CD80: variants seen among roughly 807,000 people sequenced by gnomAD.
CD80 encodes CD80 molecule.
In CD80, 13 loss-of-function variants were observed where a neutral mutation model predicts 27.1. That is an observed-to-expected ratio of 0.48 (90% CI 0.31 to 0.76). CD80 has a LOEUF of 0.76. CD80 is among the 30% of genes least tolerant of loss of function. The pLI, the probability that CD80 is intolerant of heterozygous loss-of-function variation, is 0.04. For synonymous variants in CD80, 125 were observed against 125.5 expected, an observed-to-expected ratio of 1.00 and a Z score of 0.03; for missense variants, 277 against 347.9, an observed-to-expected ratio of 0.80 and a Z score of 1.62.
chr3:119,534,911 G>A (rs1460593822), intron 4 of CD80, among the ~76,000 whole-genome samples: 1 of 152,140 alleles, frequency 6.6e-6, no homozygotes, highest in Non-Finnish European at 1.5e-5. Context: ...ATCTGCTGTA[G>A]CCGGGCATGG....
chr3:119,533,155 G>A (rs1275598655), intron 4 of CD80, among the ~76,000 whole-genome samples: 1 of 152,204 alleles, frequency 6.6e-6, no homozygotes, highest in African/African-American at 2.4e-5. Flanking sequence ...GTGTGTGAGG[G>A]AAAGAGGGAG....
chr3:119,537,257 C>G lies in CD80; in HGVS notation c.580G>C (p.Glu194Gln). The G allele has an allele frequency of 6.2e-7, 1 of 1,614,122 alleles. No homozygotes were observed. The highest frequency in any genetic ancestry group is 8.5e-7 in the Non-Finnish European group (1 of 1,180,008). ...CTGCTAACAGCATAGAGCTCAGTTT[C>G]AGGATCTTGGGAAACTGTTGTGTTG... is the stretch of plus-strand genomic sequence containing the variant. ...AINTTVSQDPETELYAVSSKL... is the reference protein window; with the variant it reads ...AINTTVSQDPQTELYAVSSKL... The change falls in exon 4 of 7, where the codon GAA (glutamate) becomes CAA (glutamine). Residue 194 changes from glutamate to glutamine, a missense_variant. Physicochemically the swap from Glu to Gln is conservative, Grantham distance 29. Transcript: ENST00000264246.
intron 2 of CD80, among the ~76,000 whole-genome samples, chr3:119,549,867 G>C (rs2082221826): frequency 6.6e-6 from 1 of 152,196 alleles, no homozygotes; most frequent in Non-Finnish European, 1.5e-5. Context: ...AAGATCAAAT[G>C]ACAACCCAGA....
At chr3:119,529,701 T>TTTTTCC (rs2082098880) in intron 5 of CD80, 141 bp downstream of exon 5, 2 of 618,936 alleles carry the variant, frequency 3.2e-6, no homozygotes, top group African/African-American at 3.7e-5. Context: ...TTGAGACAAG[T>TTTTTCC]AAAGGAGATG....
At chr3:119,530,553 T>C (rs1419883805) in intron 4 of CD80, among the ~76,000 whole-genome samples, 1 of 152,000 alleles carries the variant, frequency 6.6e-6, no homozygotes, top group Non-Finnish European at 1.5e-5. Context: ...GCACTGAAGG[T>C]TATCAGCTGT....
Position 119,527,793 on chromosome 3 carries a change from C to T in CD80, c.845G>A (p.Arg282Lys). ...RERRRNERLR[R>K]ESVRPV Reference sequence around the variant, plus strand: ...CTGTTATACAGGGCGTACACTTTCCCTTCTCAATCTCTCATTCCTCCTTCT... The same window carrying T: ...CTGTTATACAGGGCGTACACTTTCCTTTCTCAATCTCTCATTCCTCCTTCT... Residue 282 changes from arginine (R) to lysine (K), a missense_variant, in exon 6 of 7, where the codon AGG (arginine) becomes AAG (lysine). Physicochemically the swap from Arg to Lys is conservative, Grantham distance 26 (BLOSUM62 2). Coordinates refer to ENST00000264246, the MANE Select transcript of CD80 (RefSeq NM_005191.4). 6.2e-7 allele frequency: 1 copy of T among 1,614,036 alleles called. No individual in the cohort carries two copies. The highest frequency in any genetic ancestry group is 8.5e-7 in the Non-Finnish European group (1 of 1,179,912).
chr3:119,544,959 G>A (rs561831559), intron 2 of CD80, 92 bp from the exon 3 acceptor site: 30 of 1,000,826 alleles, frequency 3.0e-5, no homozygotes, highest in Non-Finnish European at 4.2e-5. Flanking sequence ...ACAGAACTTA[G>A]GGTGTTGTGT....
Position 119,538,964 on chromosome 3 carries a change from C to T in CD80, c.419-1546G>A, listed in dbSNP as rs540064677. 2.6e-5 allele frequency among the ~76,000 whole-genome samples: 4 copies of T among 152,274 alleles called. No individual in the cohort carries two copies. In the South Asian group the frequency reaches 6.2e-4, roughly 24 times the overall value. On this transcript the variant is annotated intron_variant, in intron 3 of 6. Transcript: ENST00000264246. Reference sequence around the variant, plus strand: ...CAACACCCCATACCCCAAAAAAACACCCATGACCAGTATTTTTTAATTTGC... The same window carrying T: ...CAACACCCCATACCCCAAAAAAACATCCATGACCAGTATTTTTTAATTTGC...
chr3:119,529,736 A>G, intron 5 of CD80, 106 bp downstream of exon 5: 1 of 736,260 alleles, frequency 1.4e-6, no homozygotes, highest in Non-Finnish European at 2.4e-6. Flanking sequence ...GGCTTGCTGT[A>G]AACATGAGAA....
chr3:119,553,103 CTTTA>C (rs61318964), intron 2 of CD80, among the ~76,000 whole-genome samples: 60,335 of 133,276 alleles, frequency 0.45, 13,616 homozygotes, highest in Admixed American at 0.52. Context: ...GAATTGTACA[CTTTA>C]TTTATTTATT....
chr3:119,540,184 C>T (rs556755166), intron 3 of CD80, among the ~76,000 whole-genome samples: 2 of 152,264 alleles, frequency 1.3e-5, no homozygotes, highest in South Asian at 4.1e-4. Context: ...CTCCTGACCT[C>T]GTGATCCACC....
chr3:119,552,480 C>G (rs1487033746), intron 2 of CD80, among the ~76,000 whole-genome samples: 1 of 139,412 alleles, frequency 7.2e-6, no homozygotes. Context: ...TGCCACTGCA[C>G]TCCAGCTTGG....
Position 119,537,272 on chromosome 3 carries a change from C to T in CD80, c.565G>A (p.Val189Ile), listed in dbSNP as rs755620230. The change falls in exon 4 of 7, where the codon GTT (valine) becomes ATT (isoleucine). Residue 189 changes from valine to isoleucine, a missense_variant. Coordinates refer to ENST00000264246, the MANE Select transcript of CD80 (RefSeq NM_005191.4). ...AGCTCAGTTTCAGGATCTTGGGAAA[C>T]TGTTGTGTTGATGGCATTTAATTCT... ...GEELNAINTT[V>I]SQDPETELYA... 1 of 1,614,082 alleles carries T rather than the reference C, an allele frequency of 6.2e-7. No homozygotes were observed. The highest frequency in any genetic ancestry group is 8.5e-7 in the Non-Finnish European group (1 of 1,180,002).
chr3:119,544,732 C>G lies in CD80; in HGVS notation c.236G>C (p.Gly79Ala). The G allele has an allele frequency of 6.2e-7, 1 of 1,614,146 alleles. No individual in the cohort carries two copies. Among genetic ancestry groups the G allele is most frequent in the Non-Finnish European group, 8.5e-7 (1 of 1,180,024 alleles). Reference protein sequence around the residue: ...EKKMVLTMMSGDMNIWPEYKN... With the variant: ...EKKMVLTMMSADMNIWPEYKN... The stretch of plus-strand genomic sequence containing the variant: ...GTACTCGGGCCATATATTCATGTCC[C>G]CAGACATCATAGTCAGCACCATTTT... The change falls in exon 3 of 7, where the codon GGG (glycine) becomes GCG (alanine). Residue 79 changes from glycine to alanine, a missense_variant. Coordinates refer to ENST00000264246, the MANE Select transcript of CD80 (RefSeq NM_005191.4).
chr3:119,556,082 C>A (rs899647874), intron 2 of CD80, among the ~76,000 whole-genome samples: 4 of 152,222 alleles, frequency 2.6e-5, no homozygotes, highest in Non-Finnish European at 5.9e-5. Flanking sequence ...CCGCAACTAA[C>A]ATATGCAGAC....
At chr3:119,529,776 C>G in intron 5 of CD80, 66 bp downstream of exon 5, 1 of 1,127,470 alleles carries the variant, frequency 8.9e-7, no homozygotes, top group South Asian at 1.3e-5. Context: ...AGAGAGATGC[C>G]GAACCATGGT....
Position 119,525,711 on chromosome 3 carries a change from A to C in CD80, c.*77T>G, listed in dbSNP as rs1269091592. ...GTGGGGTAATCTTGTCCATCTGAGG[A>C]AGTTCCCAGAAGAGGTCAATTGCAA... On this transcript the variant is annotated 3_prime_UTR_variant, in exon 7 of 7. Transcript: ENST00000264246. The C allele has an allele frequency of 6.6e-6, 1 of 152,516 alleles. No individual in the cohort carries two copies. The highest frequency in any genetic ancestry group is 2.4e-5 in the African/African-American group (1 of 41,414). 9.4% of individuals were successfully genotyped at this position (152,516 alleles called of 1,614,324 possible).
rs61318964 is a variant in CD80 at position 119,553,103 on chromosome 3, CTTTATTTATTTATTTATTTA to C, written c.100+4506_100+4525del. Among the ~76,000 whole-genome samples, 208 of 134,132 alleles carry C rather than the reference CTTTATTTATTTATTTATTTA, an allele frequency of 1.6e-3. No homozygotes were observed. In the Middle Eastern group the frequency reaches 0.022, roughly 14 times the overall value. The allele number at this position is 134,132 out of a possible 152,430, so 88.0% of individuals were successfully genotyped here. A position where few individuals can be genotyped will look rare whatever the true frequency, so the allele number is the denominator to read the frequency against. On this transcript the variant is annotated intron_variant, in intron 2 of 6. Transcript: ENST00000264246. ...ATACTAAAACCCACTGAATTGTACA[CTTTATTTATTTATTTATTTA>C]TTTATTTATTTATTTATTTATTTAT...
chr3:119,538,036 A>T (rs1332830261), intron 3 of CD80, among the ~76,000 whole-genome samples: 2 of 152,208 alleles, frequency 1.3e-5, no homozygotes, highest in Non-Finnish European at 2.9e-5. Context: ...GAAGAATAAT[A>T]GACAACGTTT....
Sources: allele counts gnomAD v4.1 joint callset (sites outside exome capture counted in the v4.1 genomes callset), GRCh38; gene constraint gnomAD v4.1.1; transcripts MANE v1.5; gene names NCBI Gene and HGNC (gene_info 2026-07-23, HGNC 2026-07-21).